The following TMEM63C variants were observed in gnomAD, a reference collection of about 807,000 sequenced individuals.
The protein encoded by TMEM63C is osmosensitive cation channel TMEM63C.
Under a neutral mutation model 99.2 loss-of-function variants are expected in TMEM63C, and 32 were observed. The observed-to-expected ratio is 0.32, with a 90% CI of 0.24 to 0.43. The LOEUF (loss-of-function observed/expected upper bound fraction) is 0.43. TMEM63C is among the 20% of genes least tolerant of loss of function. The probability of loss-of-function intolerance (pLI) is 1.00; values close to 1 mark genes in which losing one functional copy is unlikely to be tolerated. For missense variants in TMEM63C, 826 were observed against 1,053.0 expected, an observed-to-expected ratio of 0.78 and a Z score of 2.98; for synonymous variants, 376 against 397.9, an observed-to-expected ratio of 0.94 and a Z score of 0.66.
At chr14:77,252,998 A>G (rs1314221307) in intron 22 of TMEM63C, among the ~76,000 whole-genome samples, 2 of 152,264 alleles carry the variant, frequency 1.3e-5, no homozygotes, top group Non-Finnish European at 2.9e-5. Context: ...GAAAGACGAC[A>G]GTGCTGAAGT....
rs1889315102 is a variant in TMEM63C at position 77,249,145 on chromosome 14, A to G, written c.1871-146A>G. 3.6e-6 allele frequency: 3 copies of G among 824,236 alleles called. No homozygotes were observed. The Admixed American group carries it at 6.7e-5, about 19-fold the overall frequency. 51.1% of individuals were successfully genotyped at this position (824,236 alleles called of 1,614,324 possible). ...AGGGAAGCTGCTGGCTCCGGAGGTC[A>G]GTACCACGGAGCTCCCCCAACCCAT... On this transcript the variant is annotated intron_variant, in intron 20 of 23. Transcript: ENST00000298351.
At chr14:77,215,484 C>A (rs921822592) in intron 2 of TMEM63C, among the ~76,000 whole-genome samples, 30 of 150,854 alleles carry the variant, frequency 2.0e-4, no homozygotes, top group African/African-American at 5.6e-4. Context: ...ACCTGTAGTC[C>A]GAGCTACTCA....
chr14:77,207,209 G>T (rs58929764), intron 1 of TMEM63C, among the ~76,000 whole-genome samples: 2,779 of 152,318 alleles, frequency 0.018, 87 homozygotes, highest in African/African-American at 0.064. Context: ...TCTCTGTGGG[G>T]GTCCCAGAGG....
At chr14:77,249,583 C>A in intron 21 of TMEM63C, 125 bp downstream of exon 21, 1 of 1,083,142 alleles carries the variant, frequency 9.2e-7, no homozygotes, top group Non-Finnish European at 1.3e-6. Flanking sequence ...CCAGACCTGG[C>A]CACACCCAGT....
intron 1 of TMEM63C, among the ~76,000 whole-genome samples, chr14:77,204,257 T>TA (rs1263389413): frequency 8.7e-5 from 13 of 149,458 alleles, no homozygotes; most frequent in Admixed American, 2.0e-4. Flanking sequence ...ATTTTTTTTT[T>TA]AAATCAAAAC....
intron 15 of TMEM63C, among the ~76,000 whole-genome samples, chr14:77,243,593 C>A (rs1249723743): frequency 6.6e-6 from 1 of 152,126 alleles, no homozygotes; most frequent in Non-Finnish European, 1.5e-5. Flanking sequence ...GAGCCCTCAG[C>A]CCTGGAGGAA....
chr14:77,210,105 G>T (rs2140102616), intron 1 of TMEM63C, among the ~76,000 whole-genome samples: 1 of 152,200 alleles, frequency 6.6e-6, no homozygotes, highest in South Asian at 2.1e-4. Flanking sequence ...AAACTTTTTG[G>T]ATCATCAAGA....
intron 1 of TMEM63C, among the ~76,000 whole-genome samples, chr14:77,187,103 G>T (rs1594846812): frequency 6.6e-6 from 1 of 152,196 alleles, no homozygotes; most frequent in Non-Finnish European, 1.5e-5. Flanking sequence ...CGCTCAATAG[G>T]TAAGAAAGCT....
intron 7 of TMEM63C, among the ~76,000 whole-genome samples, chr14:77,232,370 C>T (rs936865561): frequency 1.6e-4 from 25 of 152,174 alleles, no homozygotes; most frequent in African/African-American, 5.6e-4. Flanking sequence ...TCACTGCAAC[C>T]TCTGCCTCCT....
chr14:77,195,884 G>A (rs899086234), intron 1 of TMEM63C, among the ~76,000 whole-genome samples: 4 of 152,246 alleles, frequency 2.6e-5, no homozygotes, highest in Admixed American at 2.0e-4. Flanking sequence ...GGTCATGGAT[G>A]CTTCCGGAGT....
intron 14 of TMEM63C, 149 bp from the exon 15 acceptor site, chr14:77,242,754 G>T: frequency 1.1e-6 from 1 of 917,118 alleles, no homozygotes; most frequent in Non-Finnish European, 1.7e-6. Flanking sequence ...GACAGGGGAC[G>T]GTCCAGGGTC....
chr14:77,205,843 C>T (rs1338265004), intron 1 of TMEM63C, among the ~76,000 whole-genome samples: 4 of 151,260 alleles, frequency 2.6e-5, no homozygotes, highest in African/African-American at 9.8e-5. Context: ...TGTGCAGAAG[C>T]TCGGGCCTTG....
At chr14:77,243,665 T>C (rs1889219376) in intron 15 of TMEM63C, among the ~76,000 whole-genome samples, 1 of 152,132 alleles carries the variant, frequency 6.6e-6, no homozygotes, top group African/African-American at 2.4e-5. Flanking sequence ...TCCTAGCCCA[T>C]TTCCAAATTC....
chr14:77,244,535 C>T (rs755329870), intron 16 of TMEM63C, 80 bp downstream of exon 16: 8 of 1,094,220 alleles, frequency 7.3e-6, no homozygotes, highest in Middle Eastern at 2.0e-4. Flanking sequence ...CAGCCTGGCA[C>T]TTGGGCCTCC....
chr14:77,207,169 G>A (rs2140100805), intron 1 of TMEM63C, among the ~76,000 whole-genome samples: 1 of 152,322 alleles, frequency 6.6e-6, no homozygotes, highest in East Asian at 1.9e-4. Context: ...TGGAGGACAA[G>A]GAAAAGAAAC....
intron 2 of TMEM63C, among the ~76,000 whole-genome samples, chr14:77,217,576 G>A (rs986394787): frequency 1.5e-4 from 23 of 152,232 alleles, no homozygotes; most frequent in African/African-American, 5.1e-4. Context: ...TAGAGGTGAG[G>A]TCTGAAGGCA....
chr14:77,254,726 A>G (rs1889432072), intron 23 of TMEM63C, among the ~76,000 whole-genome samples: 1 of 152,202 alleles, frequency 6.6e-6, no homozygotes, highest in Non-Finnish European at 1.5e-5. Flanking sequence ...TCTAAAGCCT[A>G]TGCTTTTAAA....
intron 1 of TMEM63C, among the ~76,000 whole-genome samples, chr14:77,189,766 C>T (rs1301517463): frequency 1.3e-5 from 2 of 152,164 alleles, no homozygotes; most frequent in African/African-American, 4.8e-5. Context: ...GTGTGAAGGA[C>T]TCAGGGAACT....
chr14:77,247,499 C>T (rs1251963008), intron 18 of TMEM63C, among the ~76,000 whole-genome samples: 1 of 152,130 alleles, frequency 6.6e-6, no homozygotes, highest in African/African-American at 2.4e-5. Context: ...CCACACCCAA[C>T]CAATATTGCA....
Sources: allele counts gnomAD v4.1 joint callset (sites outside exome capture counted in the v4.1 genomes callset), GRCh38; gene constraint gnomAD v4.1.1; transcripts MANE v1.5; gene names NCBI Gene and HGNC (gene_info 2026-07-23, HGNC 2026-07-21).